The following ZNF614 variants were observed in gnomAD, a reference collection of about 807,000 sequenced individuals.
ZNF614 encodes zinc finger protein 614.
Under a neutral mutation model 12.8 loss-of-function variants are expected in ZNF614, and 11 were observed. The ratio of observed to expected loss-of-function variants is 0.86; its 90% CI spans 0.54 to 1.43. The LOEUF (loss-of-function observed/expected upper bound fraction) is 1.43, where lower values mean the gene tolerates loss of function less well. Among genes scored for constraint, ZNF614 ranks in the 40% most tolerant of loss-of-function variants. The probability of loss-of-function intolerance (pLI) is 0.00; values close to 1 mark genes in which losing one functional copy is unlikely to be tolerated. For missense variants in ZNF614, 664 were observed against 708.8 expected, an observed-to-expected ratio of 0.94 and a Z score of 0.72; for synonymous variants, 237 against 237.5, an observed-to-expected ratio of 1.00 and a Z score of 0.02.
In ZNF614 at chr19:52,015,602, T is replaced by C. The variant is rs185706532; in HGVS notation, c.*238A>G. Reference sequence around the variant, plus strand: ...ATATAGTTTATTCAACGTATTTTCATTGACAGAAAATATGAGGTAAAAGAC... The same window carrying C: ...ATATAGTTTATTCAACGTATTTTCACTGACAGAAAATATGAGGTAAAAGAC... On this transcript the variant is annotated 3_prime_UTR_variant, in exon 5 of 5. Transcript: ENST00000270649. 4.5e-4 allele frequency: 189 copies of C among 422,772 alleles called. No homozygotes were observed. The highest frequency in any genetic ancestry group is 3.9e-3 in the Middle Eastern group (6 of 1,558). The allele number at this position is 422,772 out of a possible 1,614,324, so 26.2% of individuals were successfully genotyped here.
chr19:52,015,830 C>A lies in ZNF614; in HGVS notation c.*10G>T, dbSNP rs2086892232. 3 of 1,591,880 alleles carry A rather than the reference C, an allele frequency of 1.9e-6. No homozygotes were observed. The highest frequency in any genetic ancestry group is 4.5e-5 in the East Asian group (2 of 44,748). ...GTCACGGCACTAGTAGGGTTTTCTT[C>A]TGCATGAGTTCACTTATAAGGAAGG... On this transcript the variant is annotated 3_prime_UTR_variant, in exon 5 of 5. Coordinates refer to ENST00000270649, the MANE Select transcript of ZNF614 (RefSeq NM_025040.4).
At chr19:52,019,733 A>G (rs1345611364) in intron 2 of ZNF614, among the ~76,000 whole-genome samples, 1 of 152,232 alleles carries the variant, frequency 6.6e-6, no homozygotes, top group Admixed American at 6.5e-5. Flanking sequence ...TGGCTAGCAG[A>G]TGACTTGCTG....
rs2086909869 is a variant in ZNF614 at position 52,017,842 on chromosome 19, CAA to C, written c.238+164_238+165del. 1.2e-5 allele frequency: 6 copies of C among 521,692 alleles called. No homozygotes were observed. In the East Asian group the frequency reaches 1.8e-4, roughly 16 times the overall value. 32.3% of individuals were successfully genotyped at this position (521,692 alleles called of 1,614,324 possible). On this transcript the variant is annotated intron_variant, in intron 4 of 4. Coordinates refer to ENST00000270649, the MANE Select transcript of ZNF614 (RefSeq NM_025040.4). ...CCAAGAAATCAGATCCAAGAAAAGA[CAA>C]AAAGTCTTTAAAGCTATAACAGCAT...
Position 52,016,438 on chromosome 19 carries a change from A to C in ZNF614, c.1160T>G (p.Ile387Ser). The change falls in exon 5 of 5, where the codon ATT becomes AGT. Residue 387 changes from isoleucine (I) to serine (S), a missense_variant. By Grantham distance (142) the Ile-to-Ser change is moderately radical. Transcript: ENST00000270649. ...TCCTGTGTGGGAGCGCTGATGTACA[A>C]TGAGATTGCTCTTCACGGTAAAGCC... ...GKGFTVKSNLIVHQRSHTGEK... is the reference protein window; with the variant it reads ...GKGFTVKSNLSVHQRSHTGEK... The C allele has an allele frequency of 6.2e-7, 1 of 1,614,112 alleles. No homozygotes were observed. Among genetic ancestry groups the C allele is most frequent in the Non-Finnish European group, 8.5e-7 (1 of 1,179,988 alleles).
intron 2 of ZNF614, among the ~76,000 whole-genome samples, chr19:52,023,617 A>G (rs973413178): frequency 6.6e-6 from 1 of 152,134 alleles, no homozygotes; most frequent in African/African-American, 2.4e-5. Flanking sequence ...TTCCTTATGA[A>G]TAACAAAAGA....
Position 52,017,124 on chromosome 19 carries a change from A to G in ZNF614, c.474T>C (p.Phe158=). ...GTAGAAGTGTTTTCTCACCTCCAAT[A>G]AACTCAACAGGGTTATTTATTCCAT... ...RRHGINNPVE[F]IGGEKTLLHG... The change falls in exon 5 of 5, where the codon TTT becomes TTC. Residue 158 remains phenylalanine, a synonymous_variant. Coordinates refer to ENST00000270649, the MANE Select transcript of ZNF614 (RefSeq NM_025040.4). The G allele has an allele frequency of 6.2e-7, 1 of 1,614,212 alleles. No homozygotes were observed. The highest frequency in any genetic ancestry group is 1.1e-5 in the South Asian group (1 of 91,086).
chr19:52,017,539 T>G, intron 4 of ZNF614, 180 bp from the exon 5 acceptor site: 1 of 560,008 alleles, frequency 1.8e-6, no homozygotes, highest in Non-Finnish European at 3.1e-6. Context: ...CCGTCTCTAC[T>G]AAAATTACAA....
intron 2 of ZNF614, among the ~76,000 whole-genome samples, chr19:52,022,381 C>A (rs985262880): frequency 2.6e-5 from 4 of 151,708 alleles, no homozygotes; most frequent in South Asian, 2.1e-4. Flanking sequence ...CCCGGCCGCC[C>A]CACACCACCG....
chr19:52,022,393 C>T (rs973320179), intron 2 of ZNF614, among the ~76,000 whole-genome samples: 3 of 152,020 alleles, frequency 2.0e-5, no homozygotes, highest in African/African-American at 7.2e-5. Flanking sequence ...ACACCACCGC[C>T]GCCATCTGGG....
chr19:52,022,290 TG>T (rs2086936903), intron 2 of ZNF614, among the ~76,000 whole-genome samples: 1 of 152,006 alleles, frequency 6.6e-6, no homozygotes, highest in Non-Finnish European at 1.5e-5. Flanking sequence ...TGAGTTCCTC[TG>T]CCCGGCCGCC....
chr19:52,024,021 A>C (rs974339430), intron 2 of ZNF614, among the ~76,000 whole-genome samples: 5 of 152,156 alleles, frequency 3.3e-5, no homozygotes, highest in African/African-American at 7.2e-5. Flanking sequence ...CACCAAAACA[A>C]TAAAAGGATG....
chr19:52,024,298 T>C (rs2086955161), intron 2 of ZNF614, among the ~76,000 whole-genome samples: 1 of 152,184 alleles, frequency 6.6e-6, no homozygotes. Flanking sequence ...CCAAAAGAAC[T>C]TGTGAGTAAC....
rs2086967251 is a variant in ZNF614, at chr19:52,025,781, A to G, written c.-36T>C. 21 of 1,610,326 alleles carry G rather than the reference A, an allele frequency of 1.3e-5. No individual in the cohort carries two copies. The highest frequency in any genetic ancestry group is 1.7e-5 in the Non-Finnish European group (20 of 1,178,346). On this transcript the variant is annotated 5_prime_UTR_variant, in exon 2 of 5. Coordinates refer to ENST00000270649, the MANE Select transcript of ZNF614 (RefSeq NM_025040.4). ...GCTCAGAAAATAGTGGATAACATGG[A>G]CTATACGTCTTTGTCTCTTCTGCAT...
Position 52,015,262 on chromosome 19 carries a change from T to C in ZNF614, c.*578A>G, listed in dbSNP as rs1011584057. The C allele has an allele frequency of 6.6e-6, 1 of 152,490 alleles. No homozygotes were observed. The highest frequency in any genetic ancestry group is 2.1e-4 in the South Asian group (1 of 4,830). The allele number at this position is 152,490 out of a possible 1,614,324, so 9.4% of individuals were successfully genotyped here. ...TAGCATGTTCGGAACAATTTTACTT[T>C]CTATGTGATCTCCTGACAAATGATG... On this transcript the variant is annotated 3_prime_UTR_variant, in exon 5 of 5. Coordinates refer to ENST00000270649, the MANE Select transcript of ZNF614 (RefSeq NM_025040.4).
chr19:52,022,339 G>T (rs755128003), intron 2 of ZNF614, among the ~76,000 whole-genome samples: 1 of 150,812 alleles, frequency 6.6e-6, no homozygotes, highest in Non-Finnish European at 1.5e-5. Context: ...CTGCCTAGCC[G>T]CCCACCATCT....
At position 52,016,388 on chromosome 19, in the gene ZNF614, A is replaced by G; in HGVS notation, c.1210T>C (p.Cys404Arg). Residue 404 changes from cysteine to arginine, a missense_variant, in exon 5 of 5, where the codon TGT becomes CGT. Cys to Arg is a radical substitution (Grantham distance 180). Coordinates refer to ENST00000270649, the MANE Select transcript of ZNF614 (RefSeq NM_025040.4). ...CGTTTGACAGTGAAGCCTTTTCCAC[A>G]TTCGCTGCATATGTAAGATTTTTCT... ...TGEKSYICSECGKGFTVKRTL... is the reference protein window; with the variant it reads ...TGEKSYICSERGKGFTVKRTL... 3 of 1,613,808 alleles carry G rather than the reference A, an allele frequency of 1.9e-6. No individual in the cohort carries two copies. The highest frequency in any genetic ancestry group is 1.1e-5 in the South Asian group (1 of 91,034).
At chr19:52,018,545 T>C (rs370613288) in intron 2 of ZNF614, 51 bp from the exon 3 acceptor site, 63 of 1,539,704 alleles carry the variant, frequency 4.1e-5, no homozygotes, top group Non-Finnish European at 5.1e-5. Flanking sequence ...ATTGTTAATA[T>C]AGAAGTATAA....
In ZNF614 at chr19:52,014,742, A is replaced by G. The variant is rs1188724216; in HGVS notation, c.*1098T>C. ...CCTCCCCTTCCAGGAGGTGGGAGAA[A>G]TGGGGCACAAAGTCTCCATCCTCTA... is the stretch of plus-strand genomic sequence containing the variant. On this transcript the variant is annotated 3_prime_UTR_variant, in exon 5 of 5. Transcript: ENST00000270649. The G allele has an allele frequency of 6.6e-6, 1 of 152,088 alleles. No individual in the cohort carries two copies. The highest frequency in any genetic ancestry group is 1.5e-5 in the Non-Finnish European group (1 of 68,024). 9.4% of individuals were successfully genotyped at this position (152,088 alleles called of 1,614,324 possible). A position where few individuals can be genotyped will look rare whatever the true frequency, so the allele number is the denominator to read the frequency against.
chr19:52,022,156 C>G (rs2086936384), intron 2 of ZNF614, among the ~76,000 whole-genome samples: 2 of 152,340 alleles, frequency 1.3e-5, no homozygotes, highest in South Asian at 2.1e-4. Context: ...TTTTCCAACA[C>G]TAACAACCAA....
Sources: allele counts gnomAD v4.1 joint callset (sites outside exome capture counted in the v4.1 genomes callset), GRCh38; gene constraint gnomAD v4.1.1; transcripts MANE v1.5; gene names NCBI Gene and HGNC (gene_info 2026-07-23, HGNC 2026-07-21).